The following HRH1 variants were observed in gnomAD, a reference collection of about 807,000 sequenced individuals.
The protein encoded by HRH1 is histamine H1 receptor.
A neutral mutation model predicts 10.3 loss-of-function variants in HRH1; 6 were observed. The ratio of observed to expected loss-of-function variants is 0.58; its 90% CI spans 0.32 to 1.15. HRH1 has a LOEUF of 1.15. HRH1 is among the 50% of genes most tolerant of loss of function. The pLI is 0.05. For missense variants in HRH1, 514 were observed against 615.3 expected (o/e 0.84, Z 1.74); for synonymous variants, 242 against 236.7 (o/e 1.02, Z -0.21).
chr3:11,208,279 A>G (rs917138473), intron 1 of HRH1, among the ~76,000 whole-genome samples: 1 of 151,884 alleles, frequency 6.6e-6, no homozygotes, highest in African/African-American at 2.4e-5. Flanking sequence ...CAGCCTCCCA[A>G]GTAGCTGAAA....
At chr3:11,168,671 C>T (rs1464847135) in intron 1 of HRH1, among the ~76,000 whole-genome samples, 3 of 152,236 alleles carry the variant, frequency 2.0e-5, no homozygotes, top group South Asian at 2.1e-4. Flanking sequence ...ATGCAGGGCC[C>T]TAGCAGGACT....
chr3:11,238,445 C>T (rs1206435152), intron 1 of HRH1, among the ~76,000 whole-genome samples: 1 of 152,118 alleles, frequency 6.6e-6, no homozygotes, highest in Non-Finnish European at 1.5e-5. Flanking sequence ...ATCCTGTTTC[C>T]CAGCACTGGT....
intron 1 of HRH1, among the ~76,000 whole-genome samples, chr3:11,245,257 G>A (rs1559284047): frequency 6.6e-6 from 1 of 152,128 alleles, no homozygotes; most frequent in Non-Finnish European, 1.5e-5. Flanking sequence ...GGAGGCCGAG[G>A]CAGGGGAATC....
chr3:11,154,830 G>C lies in HRH1; in HGVS notation c.-36+276G>C, dbSNP rs4428159. 0.076 allele frequency among the ~76,000 whole-genome samples: 11,515 copies of C among 152,222 alleles called. 577 individuals carry two copies. Among genetic ancestry groups the C allele is most frequent in the East Asian group, 0.17 (898 of 5,132 alleles). Reference sequence around the variant, plus strand: ...CTTTAGCTTCCCCGGGCTTGGGCAGGGTGCGCGCCCTGAGCGTCCGTCTTT... The same window carrying C: ...CTTTAGCTTCCCCGGGCTTGGGCAGCGTGCGCGCCCTGAGCGTCCGTCTTT... On this transcript the variant is annotated intron_variant, in intron 1 of 1. Transcript: ENST00000431010. The surrounding 1 kb of genome is among the most constrained non-coding windows in gnomAD (Gnocchi z 4.4).
chr3:11,153,350 A>T (rs1225177900), upstream of HRH1, among the ~76,000 whole-genome samples: 2 of 152,188 alleles, frequency 1.3e-5, no homozygotes, highest in Non-Finnish European at 2.9e-5. Flanking sequence ...TGTTACCGAC[A>T]TGGGCCCTGA....
At chr3:11,225,277 A>T (rs1938844839) in intron 1 of HRH1, among the ~76,000 whole-genome samples, 1 of 152,192 alleles carries the variant, frequency 6.6e-6, no homozygotes, top group Non-Finnish European at 1.5e-5. Flanking sequence ...TTCTTGCCTA[A>T]TCGCTTGGCT....
At chr3:11,138,610 C>G (rs1936231664) in intron 1 of HRH1, among the ~76,000 whole-genome samples, 1 of 152,004 alleles carries the variant, frequency 6.6e-6, no homozygotes. Flanking sequence ...GTGGGATTAC[C>G]ATATGATCCA....
intron 1 of HRH1, among the ~76,000 whole-genome samples, chr3:11,250,190 C>T (rs1283299913): frequency 1.3e-5 from 2 of 149,064 alleles, no homozygotes; most frequent in African/African-American, 2.5e-5. Flanking sequence ...CTATAGGCGC[C>T]GCCACCACAC....
intron 1 of HRH1, among the ~76,000 whole-genome samples, chr3:11,195,463 C>T (rs1026880994): frequency 9.2e-5 from 14 of 152,144 alleles, no homozygotes; most frequent in African/African-American, 3.4e-4. Flanking sequence ...TTCCTCAATC[C>T]CCCACCACTG....
chr3:11,201,652 T>C (rs1937913506), intron 1 of HRH1, among the ~76,000 whole-genome samples: 1 of 152,144 alleles, frequency 6.6e-6, no homozygotes, highest in South Asian at 2.1e-4. Context: ...ATCCTTAGAC[T>C]AGTCGGAGAA....
chr3:11,210,657 G>C (rs890631801), intron 1 of HRH1, among the ~76,000 whole-genome samples: 4 of 152,142 alleles, frequency 2.6e-5, no homozygotes, highest in African/African-American at 4.8e-5. Context: ...GTCAGGTGTG[G>C]TGGTGCGCAT....
chr3:11,230,182 G>A (rs922684124), intron 1 of HRH1, among the ~76,000 whole-genome samples: 7 of 152,188 alleles, frequency 4.6e-5, no homozygotes, highest in African/African-American at 1.7e-4. Context: ...CACTGGGTAG[G>A]TTCAGGGGAA....
At chr3:11,241,047 A>AT (rs1432331203) in intron 1 of HRH1, among the ~76,000 whole-genome samples, 1 of 152,140 alleles carries the variant, frequency 6.6e-6, no homozygotes, top group African/African-American at 2.4e-5. Flanking sequence ...CTTTATTTTT[A>AT]TTTTTTTATT....
chr3:11,242,741 G>C (rs1368121630), intron 1 of HRH1, among the ~76,000 whole-genome samples: 1 of 152,110 alleles, frequency 6.6e-6, no homozygotes, highest in African/African-American at 2.4e-5. Context: ...ACTATAAAGT[G>C]TTCAGGGAAA....
At chr3:11,211,334 G>T (rs1027622492) in intron 1 of HRH1, among the ~76,000 whole-genome samples, 35 of 152,352 alleles carry the variant, frequency 2.3e-4, no homozygotes, top group African/African-American at 7.0e-4. Context: ...TGAGGAAGGG[G>T]TGTGAGCCAG....
At chr3:11,182,088 T>G (rs1937366506) in intron 1 of HRH1, among the ~76,000 whole-genome samples, 2 of 152,126 alleles carry the variant, frequency 1.3e-5, no homozygotes, top group Non-Finnish European at 2.9e-5. Context: ...GTTCAAGCAA[T>G]TCTCCTGCCT....
intron 1 of HRH1, among the ~76,000 whole-genome samples, chr3:11,146,009 T>C (rs1292501660): frequency 6.6e-6 from 1 of 152,244 alleles, no homozygotes; most frequent in African/African-American, 2.4e-5. Context: ...TTATCAACAA[T>C]GCTGTTCTGA....
chr3:11,238,520 T>C (rs544200033), intron 1 of HRH1, among the ~76,000 whole-genome samples: 1 of 152,214 alleles, frequency 6.6e-6, no homozygotes, highest in Admixed American at 6.5e-5. Flanking sequence ...CTTCATCCAC[T>C]GAAAAATTTT....
At chr3:11,220,346 G>A (rs1319140773) in intron 1 of HRH1, among the ~76,000 whole-genome samples, 3 of 152,114 alleles carry the variant, frequency 2.0e-5, no homozygotes, top group South Asian at 2.1e-4. Flanking sequence ...CTCTGAGGCC[G>A]GTTACCTCAT....
Sources: allele counts gnomAD v4.1 joint callset (sites outside exome capture counted in the v4.1 genomes callset), GRCh38; gene constraint gnomAD v4.1.1; non-coding constraint Gnocchi (gnomAD v3.1); transcripts MANE v1.5; gene names NCBI Gene and HGNC (gene_info 2026-07-23, HGNC 2026-07-21).